Variants in MTAP observed in about 807,000 individuals in gnomAD.
MTAP encodes S-methyl-5'-thioadenosine phosphorylase.
MTAP carries 33 observed loss-of-function variants against 33.6 expected under a neutral mutation model. That is an observed-to-expected ratio of 0.98 (90% confidence interval 0.74 to 1.31). The LOEUF is 1.31. MTAP is among the 40% of genes most tolerant of loss of function. MTAP has a pLI of 0.00. For synonymous variants in MTAP, 148 were observed against 125.7 expected (o/e 1.18, Z -1.19); for missense variants, 367 against 360.0 (o/e 1.02, Z -0.16).
At chr9:21,906,875 G>A (rs1818485974) in intron 1 of MTAP, among the ~76,000 whole-genome samples, 1 of 152,118 alleles carries the variant, frequency 6.6e-6, no homozygotes, top group African/African-American at 2.4e-5. Flanking sequence ...AAAAATAAAT[G>A]CTTTTTGCCA....
At chr9:21,889,619 G>A (rs1367285835) in intron 1 of MTAP, among the ~76,000 whole-genome samples, 2 of 152,072 alleles carry the variant, frequency 1.3e-5, no homozygotes, top group African/African-American at 4.8e-5. Context: ...TTCCCCTAGG[G>A]ATGGGGCTTC....
rs563237820 is a variant in MTAP, at chr9:21,823,625, G to A, written c.347+5423G>A. Among the ~76,000 whole-genome samples, 696 of 152,196 alleles carry A rather than the reference G, an allele frequency of 4.6e-3. 2 individuals are homozygous for A. The highest frequency in any genetic ancestry group is 0.016 in the African/African-American group (653 of 41,516). The stretch of plus-strand genomic sequence containing the variant: ...TCTTCTCGAGGAGTATCTTTGTGGC[G>A]TTCTCTGTATTTCCTGAGTTTGAAT... On this transcript the variant is annotated intron_variant, in intron 4 of 7. Coordinates refer to ENST00000644715, the MANE Select transcript of MTAP (RefSeq NM_002451.4).
intron 1 of MTAP, among the ~76,000 whole-genome samples, chr9:21,886,626 G>A (rs1818115919): frequency 6.6e-6 from 1 of 152,144 alleles, no homozygotes; most frequent in Non-Finnish European, 1.5e-5. Flanking sequence ...TAAAGTGAGA[G>A]GTGAGGATCC....
At chr9:21,823,199 A>G (rs1480961200) in intron 4 of MTAP, among the ~76,000 whole-genome samples, 1 of 152,172 alleles carries the variant, frequency 6.6e-6, no homozygotes, top group African/African-American at 2.4e-5. Context: ...TTTGGTCGTT[A>G]GTTGATGCAG....
chr9:21,830,150 G>C (rs187802381), intron 4 of MTAP, among the ~76,000 whole-genome samples: 49 of 152,284 alleles, frequency 3.2e-4, no homozygotes, highest in Non-Finnish European at 5.6e-4. Flanking sequence ...TGTGAGTAGA[G>C]CATCCATAGA....
chr9:21,865,485 G>T lies in MTAP; in HGVS notation c.*3471G>T. On this transcript the variant is annotated 3_prime_UTR_variant, in exon 8 of 8. Transcript: ENST00000644715. ...AGATTGTTGCACCTTGGAACTACCA[G>T]TGTGCACACAATCTGGCTCAATGTA... is the stretch of plus-strand genomic sequence containing the variant. The T allele has an allele frequency of 2.0e-6, 2 of 985,528 alleles. No homozygotes were observed. Among genetic ancestry groups the T allele is most frequent in the Non-Finnish European group, 2.4e-6 (2 of 829,970 alleles). The allele number at this position is 985,528 out of a possible 1,614,324, so 61.0% of individuals were successfully genotyped here.
At chr9:21,930,442 C>G in intron 1 of MTAP, 1 of 214,618 alleles carries the variant, frequency 4.7e-6, no homozygotes, top group Non-Finnish European at 9.2e-6. Context: ...TCTTTATACT[C>G]CCTGGCAATC....
Position 21,902,159 on chromosome 9 carries a change from G to A in MTAP, c.148-28849G>A, listed in dbSNP as rs374583450. Among the ~76,000 whole-genome samples the A allele has an allele frequency of 3.9e-5, 6 of 152,262 alleles. No individual in the cohort carries two copies. In the East Asian group the frequency reaches 9.7e-4, roughly 24 times the overall value. ...AGGAAGAACTGAAGTAGAGGCTCAAGGCTAAGCCACTAGGAAAGACACACT... is the reference window on the plus strand; with the variant it reads ...AGGAAGAACTGAAGTAGAGGCTCAAAGCTAAGCCACTAGGAAAGACACACT... On this transcript the variant is annotated intron_variant, in intron 1 of 1. Transcript: ENST00000577563.
intron 1 of MTAP, chr9:21,892,077 G>C (rs537733799): frequency 6.6e-6 from 1 of 152,316 alleles, no homozygotes; most frequent in South Asian, 2.1e-4. Flanking sequence ...CAAATGCTAA[G>C]GGAATTTGTT....
intron 4 of MTAP, among the ~76,000 whole-genome samples, chr9:21,829,598 A>G (rs965515232): frequency 6.7e-6 from 1 of 150,042 alleles, no homozygotes; most frequent in African/African-American, 2.5e-5. Context: ...ACATTGGCCT[A>G]TTGCCGTAAG....
chr9:21,929,991 T>A (rs186599260), intron 1 of MTAP: 18 of 419,446 alleles, frequency 4.3e-5, no homozygotes, highest in African/African-American at 3.4e-4. Flanking sequence ...TCAAATATTA[T>A]CTTTCTTCAG....
chr9:21,852,508 T>TC (rs1387213363), intron 5 of MTAP, among the ~76,000 whole-genome samples: 1 of 72,172 alleles, frequency 1.4e-5, no homozygotes, highest in African/African-American at 9.9e-5. Context: ...AGACTCCATC[T>TC]CAAAAAAAAA....
rs2117847656 is a variant in MTAP at position 21,802,681 on chromosome 9, C to G, written c.-68C>G. 4 of 1,557,670 alleles carry G rather than the reference C, an allele frequency of 2.6e-6. No individual in the cohort carries two copies. The highest frequency in any genetic ancestry group is 1.9e-5 in the Admixed American group (1 of 53,332). ...CGCAGTGAGGTTGGCACAGCCACCG[C>G]TCTGTGGCTCGCTTGGTTCCCTTAG... On this transcript the variant is annotated 5_prime_UTR_variant, in exon 1 of 8. Transcript: ENST00000644715.
At chr9:21,886,283 C>G (rs1410218258) in intron 1 of MTAP, among the ~76,000 whole-genome samples, 1 of 152,024 alleles carries the variant, frequency 6.6e-6, no homozygotes. Flanking sequence ...ATATCCTTAG[C>G]CCACATTTTG....
chr9:21,824,103 T>G (rs544467194), intron 4 of MTAP, among the ~76,000 whole-genome samples: 59 of 152,290 alleles, frequency 3.9e-4, no homozygotes, highest in Middle Eastern at 3.4e-3. Flanking sequence ...TTCTCTCAAC[T>G]CGTCAGTCAT....
intron 1 of MTAP, among the ~76,000 whole-genome samples, chr9:21,811,013 C>T (rs562745953): frequency 2.2e-4 from 34 of 152,066 alleles, no homozygotes; most frequent in African/African-American, 8.2e-4. Flanking sequence ...CCTCCGTCTG[C>T]TGTGCTTGCC....
At position 21,899,009 on chromosome 9, in the gene MTAP, TAAAG is replaced by T. The variant is rs762134896; in HGVS notation, c.148-31995_148-31992del. On this transcript the variant is annotated intron_variant, in intron 1 of 1. Transcript: ENST00000577563. ...AAATGTCCATCAACAATAGACCTGA[TAAAG>T]AAAATGTGGCACATATACACCATGG... Among the ~76,000 whole-genome samples, 204 of 151,976 alleles carry T rather than the reference TAAAG, an allele frequency of 1.3e-3. 1 individual carries two copies. Among genetic ancestry groups the T allele is most frequent in the Non-Finnish European group, 2.2e-3 (152 of 67,974 alleles).
chr9:21,899,212 A>T (rs1441623835), intron 1 of MTAP, among the ~76,000 whole-genome samples: 2 of 118,452 alleles, frequency 1.7e-5, no homozygotes, highest in African/African-American at 3.3e-5. Flanking sequence ...GAAGGGGAAC[A>T]TCACACACCG....
intron 4 of MTAP, among the ~76,000 whole-genome samples, chr9:21,822,007 G>C (rs574887100): frequency 2.0e-4 from 31 of 152,126 alleles, no homozygotes; most frequent in African/African-American, 6.3e-4. Context: ...GCATCTATTT[G>C]ATTCTTCTCT....
Sources: gnomAD v4.1 joint callset for allele counts (sites outside exome capture counted in the v4.1 genomes callset) on GRCh38, gnomAD v4.1.1 for gene constraint, MANE v1.5 for transcripts, NCBI Gene and HGNC (gene_info 2026-07-23, HGNC 2026-07-21) for gene names.